The following COX10 variants were observed in gnomAD, a reference collection of about 807,000 sequenced individuals.
The protein encoded by COX10 is cytochrome c oxidase assembly factor heme A:farnesyltransferase COX10, also known as protoheme IX farnesyltransferase, mitochondrial.
COX10 carries 27 observed loss-of-function variants against 37.3 expected under a neutral mutation model. That is an observed-to-expected ratio of 0.72 (90% CI 0.53 to 1.00). COX10 has a LOEUF of 1.00. Among genes scored for constraint, COX10 ranks in the 50% least tolerant of loss-of-function variants. The pLI, the probability that COX10 is intolerant of heterozygous loss-of-function variation, is 0.00. For synonymous variants in COX10, 222 were observed against 229.1 expected (o/e 0.97, Z 0.28); for missense variants, 475 against 563.2 (o/e 0.84, Z 1.59).
chr17:14,115,730 A>G (rs1022679886), intron 4 of COX10, among the ~76,000 whole-genome samples: 2 of 152,232 alleles, frequency 1.3e-5, no homozygotes, highest in Non-Finnish European at 2.9e-5. Context: ...GTGCAGCAAC[A>G]TGGAACCAGA....
intron 4 of COX10, among the ~76,000 whole-genome samples, chr17:14,153,832 A>G (rs1904970716): frequency 6.6e-6 from 1 of 152,374 alleles, no homozygotes; most frequent in South Asian, 2.1e-4. Context: ...AAAAACTATT[A>G]GAAATATTCA....
At chr17:14,160,475 C>G (rs1207645211) in intron 5 of COX10, among the ~76,000 whole-genome samples, 1 of 152,068 alleles carries the variant, frequency 6.6e-6, no homozygotes, top group Non-Finnish European at 1.5e-5. Flanking sequence ...CTGGAGACCT[C>G]TAAACCGGCA....
chr17:14,074,245 C>A, intron 1 of COX10, 78 bp from the exon 2 acceptor site: 1 of 1,560,456 alleles, frequency 6.4e-7, no homozygotes, highest in Non-Finnish European at 8.8e-7. Context: ...GCTGGCTTTG[C>A]TTCTGGGGAG....
At chr17:14,075,103 G>A (rs939359115) in intron 2 of COX10, among the ~76,000 whole-genome samples, 3 of 152,014 alleles carry the variant, frequency 2.0e-5, no homozygotes, top group Non-Finnish European at 4.4e-5. Context: ...CTGAAAGAAC[G>A]GCAGACTTAT....
intron 4 of COX10, among the ~76,000 whole-genome samples, chr17:14,104,543 C>T (rs6502336): frequency 0.53 from 79,992 of 151,718 alleles, 21,337 homozygotes; most frequent in South Asian, 0.57. Context: ...TACATATATG[C>T]GGTTGGTCTG....
chr17:14,101,354 ATCT>A (rs1567591186), intron 3 of COX10, among the ~76,000 whole-genome samples: 1 of 152,082 alleles, frequency 6.6e-6, no homozygotes, highest in Non-Finnish European at 1.5e-5. Context: ...CTTAAATGTC[ATCT>A]TCTTGAAGCT....
chr17:14,096,211 A>T (rs1008569), intron 3 of COX10, among the ~76,000 whole-genome samples: 1 of 151,856 alleles, frequency 6.6e-6, no homozygotes, highest in Non-Finnish European at 1.5e-5. Context: ...GGGCTGGGCC[A>T]CCATGACCCA....
At chr17:14,084,872 C>G (rs182171164) in intron 3 of COX10, among the ~76,000 whole-genome samples, 1 of 152,246 alleles carries the variant, frequency 6.6e-6, no homozygotes, top group Admixed American at 6.5e-5. Context: ...GTTGGCCAGG[C>G]TGGTCTTGAA....
Position 14,161,138 on chromosome 17 carries a change from C to T in COX10, c.695+1191C>T, listed in dbSNP as rs560845732. Reference sequence around the variant, plus strand: ...AGGCTCATCATTTTAAACAGCCCATCTTACTTTGTCCAGTGTGGTGGAAGC... The same window carrying T: ...AGGCTCATCATTTTAAACAGCCCATTTTACTTTGTCCAGTGTGGTGGAAGC... On this transcript the variant is annotated intron_variant, in intron 5 of 6. Coordinates refer to ENST00000261643, the MANE Select transcript of COX10 (RefSeq NM_001303.4). Among the ~76,000 whole-genome samples the T allele has an allele frequency of 1.1e-4, 16 of 152,294 alleles. No homozygotes were observed. In the South Asian group the frequency reaches 3.3e-3, roughly 32 times the overall value.
At chr17:14,119,254 T>C (rs1916178750) in intron 4 of COX10, among the ~76,000 whole-genome samples, 1 of 152,192 alleles carries the variant, frequency 6.6e-6, no homozygotes. Flanking sequence ...TCCTACCTAA[T>C]GTTTATGGAG....
intron 4 of COX10, among the ~76,000 whole-genome samples, chr17:14,132,651 A>G (rs1022537622): frequency 6.6e-6 from 1 of 151,700 alleles, no homozygotes; most frequent in East Asian, 1.9e-4. Context: ...TAAATTTTCC[A>G]GAGGATATAT....
intron 3 of COX10, among the ~76,000 whole-genome samples, chr17:14,080,641 G>A (rs901077074): frequency 3.3e-5 from 5 of 152,132 alleles, no homozygotes; most frequent in African/African-American, 1.2e-4. Flanking sequence ...GTAAGGTTTA[G>A]CATCTTTTTT....
intron 4 of COX10, among the ~76,000 whole-genome samples, chr17:14,106,162 G>A (rs755431101): frequency 1.3e-5 from 2 of 151,792 alleles, no homozygotes; most frequent in Non-Finnish European, 2.9e-5. Context: ...TATTATAGGC[G>A]CCCGCCACCG....
At chr17:14,081,126 G>T (rs1013101879) in intron 3 of COX10, among the ~76,000 whole-genome samples, 2 of 152,190 alleles carry the variant, frequency 1.3e-5, no homozygotes, top group Non-Finnish European at 2.9e-5. Flanking sequence ...ATATCATGCC[G>T]CAGTGACAGA....
chr17:14,103,293 T>C (rs1915827086), intron 4 of COX10, among the ~76,000 whole-genome samples: 1 of 152,148 alleles, frequency 6.6e-6, no homozygotes, highest in African/African-American at 2.4e-5. Context: ...CATGAACATA[T>C]TTTTAATGAA....
intron 3 of COX10, among the ~76,000 whole-genome samples, chr17:14,084,201 C>T (rs1915359616): frequency 1.3e-5 from 2 of 152,096 alleles, no homozygotes. Context: ...TTAGCATTCA[C>T]TGAATATGAA....
chr17:14,101,546 C>T (rs1915782161), intron 3 of COX10, among the ~76,000 whole-genome samples: 1 of 152,188 alleles, frequency 6.6e-6, no homozygotes, highest in African/African-American at 2.4e-5. Context: ...GGCTTTGATT[C>T]TGTACCTCGC....
intron 3 of COX10, among the ~76,000 whole-genome samples, chr17:14,079,537 T>G (rs1156418875): frequency 6.6e-6 from 1 of 152,196 alleles, no homozygotes; most frequent in Admixed American, 6.5e-5. Context: ...CATATTGGCA[T>G]GTATATCAGG....
rs117901668 is a variant in COX10 at position 14,084,788 on chromosome 17, G to A, written c.499+7732G>A. ...CCATTCTCTTGCCTCAGCCTTCTGA[G>A]TAGTTGGGATTATAGGTGCCTGCCA... On this transcript the variant is annotated intron_variant, in intron 3 of 6. Coordinates refer to ENST00000261643, the MANE Select transcript of COX10 (RefSeq NM_001303.4). 4.2e-3 allele frequency among the ~76,000 whole-genome samples: 635 copies of A among 152,214 alleles called. 22 individuals are homozygous for A. In the East Asian group the frequency reaches 0.074, roughly 18 times the overall value.
Sources: gnomAD v4.1 joint callset for allele counts (sites outside exome capture counted in the v4.1 genomes callset) on GRCh38, gnomAD v4.1.1 for gene constraint, MANE v1.5 for transcripts, NCBI Gene and HGNC (gene_info 2026-07-23, HGNC 2026-07-21) for gene names.